The following BCR variants were observed in gnomAD, a reference collection of about 807,000 sequenced individuals.
BCR encodes the protein BCR activator of RhoGEF and GTPase, also known as breakpoint cluster region protein.
A neutral mutation model predicts 138.6 loss-of-function variants in BCR; 58 were observed. The observed-to-expected ratio is 0.42, with a 90% confidence interval of 0.34 to 0.52. BCR has a LOEUF of 0.52. BCR is among the 20% of genes least tolerant of loss of function. The probability of loss-of-function intolerance (pLI) is 0.06; values close to 1 mark genes in which losing one functional copy is unlikely to be tolerated. For synonymous variants in BCR, 786 were observed against 730.1 expected, an observed-to-expected ratio of 1.08 and a Z score of -1.23; for missense variants, 1,599 against 1,727.2, an observed-to-expected ratio of 0.93 and a Z score of 1.32.
intron 8 of BCR, among the ~76,000 whole-genome samples, chr22:23,276,894 C>T (rs1232909554): frequency 1.3e-5 from 2 of 152,232 alleles, no homozygotes; most frequent in African/African-American, 2.4e-5. Flanking sequence ...CCTGGGTGTC[C>T]GTGCTCTCTG....
chr22:23,270,517 C>G lies in BCR; in HGVS notation c.1861-1015C>G, dbSNP rs145985463. Among the ~76,000 whole-genome samples, 97 of 152,298 alleles carry G rather than the reference C, an allele frequency of 6.4e-4. No individual in the cohort carries two copies. In the East Asian group the frequency reaches 0.015, roughly 23 times the overall value. ...AGTCTTTTGTTTGGCTCTCCCACCC[C>G]CTTACACCCTTTGGGAACTGCTGAG... On this transcript the variant is annotated intron_variant, in intron 5 of 22. Transcript: ENST00000305877.
intron 14 of BCR, among the ~76,000 whole-genome samples, chr22:23,292,313 T>C (rs945731759): frequency 1.3e-5 from 2 of 152,204 alleles, no homozygotes; most frequent in Admixed American, 6.5e-5. Context: ...GGAAGTCCCG[T>C]TTCCCAGCCG....
rs368486930 is a variant in BCR, at chr22:23,235,759, G to A, written c.1280-18040G>A. On this transcript the variant is annotated intron_variant, in intron 1 of 22. Transcript: ENST00000305877. ...GGCAGGAAGTCAGTATCAAGGAGCT[G>A]GAACATTTGGAGTCTGCCAAGGGCC... Among the ~76,000 whole-genome samples the A allele has an allele frequency of 1.5e-4, 23 of 152,164 alleles. 1 individual carries two copies. The highest frequency in any genetic ancestry group is 1.2e-3 in the East Asian group (6 of 5,196).
At chr22:23,305,084 A>C (rs1273065495) in intron 16 of BCR, among the ~76,000 whole-genome samples, 1 of 151,240 alleles carries the variant, frequency 6.6e-6, no homozygotes, top group Non-Finnish European at 1.5e-5. Context: ...ACTGCACTCC[A>C]GCCTGGGCAA....
At position 23,264,458 on chromosome 22, in the gene BCR, T is replaced by G. The variant is rs547138649; in HGVS notation, c.1752+2918T>G. ...TGATAGTTCCTCCCCACTGCCCCACTGTGCTCCTGGGCCTGTGACCCCAGT... is the reference window on the plus strand; with the variant it reads ...TGATAGTTCCTCCCCACTGCCCCACGGTGCTCCTGGGCCTGTGACCCCAGT... On this transcript the variant is annotated intron_variant, in intron 4 of 22. Transcript: ENST00000305877. 2.6e-4 allele frequency: 166 copies of G among 635,680 alleles called. 1 individual carries two copies. The Middle Eastern group carries it at 9.7e-3, about 37-fold the overall frequency. The allele number at this position is 635,680 out of a possible 1,614,324, so 39.4% of individuals were successfully genotyped here.
chr22:23,254,268 G>A (rs1290445777), intron 2 of BCR, among the ~76,000 whole-genome samples: 5 of 152,098 alleles, frequency 3.3e-5, no homozygotes, highest in African/African-American at 1.2e-4. Flanking sequence ...CAAGACCTGC[G>A]TGGTGGCGCC....
chr22:23,188,938 C>A (rs539781989), intron 1 of BCR, among the ~76,000 whole-genome samples: 2 of 152,268 alleles, frequency 1.3e-5, no homozygotes, highest in South Asian at 4.1e-4. Flanking sequence ...ACGATCTAGG[C>A]TCACTACAAC....
chr22:23,240,544 G>A (rs1179414982), intron 1 of BCR, among the ~76,000 whole-genome samples: 3 of 152,102 alleles, frequency 2.0e-5, no homozygotes, highest in African/African-American at 4.8e-5. Flanking sequence ...CCAGCTAATC[G>A]GGAGGCTGAG....
At chr22:23,288,213 A>T in intron 12 of BCR, 41 bp downstream of exon 12, 2 of 1,579,932 alleles carry the variant, frequency 1.3e-6, no homozygotes, top group Non-Finnish European at 1.7e-6. Context: ...GCTTCAAACC[A>T]TTAGGGCCAG....
At chr22:23,199,387 G>C (rs372666758) in intron 1 of BCR, 55 of 500,832 alleles carry the variant, frequency 1.1e-4, no homozygotes, top group African/African-American at 8.8e-4. Context: ...TCCTGCTAAG[G>C]CCACAGTCTC....
At chr22:23,240,928 C>CTCTA (rs2073083017) in intron 1 of BCR, among the ~76,000 whole-genome samples, 1 of 152,160 alleles carries the variant, frequency 6.6e-6, no homozygotes, top group Admixed American at 6.5e-5. Flanking sequence ...TGGAATCTTA[C>CTCTA]GGTATTTGTT....
chr22:23,191,664 G>C (rs983977503), intron 1 of BCR, among the ~76,000 whole-genome samples: 2 of 152,100 alleles, frequency 1.3e-5, no homozygotes, highest in Middle Eastern at 3.2e-3. Context: ...TTGATGTGAC[G>C]ATGCACCTGA....
chr22:23,302,714 C>T (rs1011228630), intron 16 of BCR: 2 of 152,426 alleles, frequency 1.3e-5, no homozygotes, highest in South Asian at 2.1e-4. Flanking sequence ...TAGTCACCAC[C>T]ACTCCTCCGA....
chr22:23,239,671 A>G (rs2073066846), intron 1 of BCR, among the ~76,000 whole-genome samples: 1 of 152,258 alleles, frequency 6.6e-6, no homozygotes, highest in South Asian at 2.1e-4. Flanking sequence ...AGCCCAAATC[A>G]TAGAAATTTA....
At position 23,261,861 on chromosome 22, in the gene BCR, G is replaced by A. The variant is rs116642499; in HGVS notation, c.1752+321G>A. 2.2e-3 allele frequency: 398 copies of A among 178,894 alleles called. 3 individuals carry two copies. The highest frequency in any genetic ancestry group is 9.1e-3 in the African/African-American group (380 of 41,950). The allele number at this position is 178,894 out of a possible 1,614,324, so 11.1% of individuals were successfully genotyped here. ...CGCAATTCCACTGCTCATCAGCACG[G>A]GAGTTTTGACCTCCTTCCTTTCCAA... On this transcript the variant is annotated intron_variant, in intron 4 of 22. Transcript: ENST00000305877.
Position 23,206,445 on chromosome 22 carries a change from C to T in BCR, c.1279+24206C>T, listed in dbSNP as rs183064975. Among the ~76,000 whole-genome samples, 139 of 151,988 alleles carry T rather than the reference C, an allele frequency of 9.1e-4. 1 individual carries two copies. The highest frequency in any genetic ancestry group is 3.0e-3 in the African/African-American group (125 of 41,434). ...AAAAAAAAGTAGCCGGGCGTGGTGG[C>T]GGGCACCTGTAATCCCAGCTACTCG... On this transcript the variant is annotated intron_variant, in intron 1 of 22. Transcript: ENST00000305877.
At chr22:23,247,490 C>A (rs1044927952) in intron 1 of BCR, among the ~76,000 whole-genome samples, 1 of 152,124 alleles carries the variant, frequency 6.6e-6, no homozygotes, top group Non-Finnish European at 1.5e-5. Flanking sequence ...TCTCATTGTT[C>A]TGGGTAGGGA....
intron 1 of BCR, among the ~76,000 whole-genome samples, chr22:23,250,400 C>G (rs529458361): frequency 6.6e-6 from 1 of 152,182 alleles, no homozygotes; most frequent in African/African-American, 2.4e-5. Context: ...TTGTTTTAGA[C>G]GTTTCGCAGC....
chr22:23,315,392 C>A (rs532567122), intron 22 of BCR, 41 bp from the exon 23 acceptor site: 2 of 1,590,770 alleles, frequency 1.3e-6, no homozygotes, highest in Admixed American at 1.7e-5. Context: ...CTGTGAGCCC[C>A]GCTCTGAGCC....
Sources: gnomAD v4.1 joint callset for allele counts (sites outside exome capture counted in the v4.1 genomes callset) on GRCh38, gnomAD v4.1.1 for gene constraint, MANE v1.5 for transcripts, NCBI Gene and HGNC (gene_info 2026-07-23, HGNC 2026-07-21) for gene names.